Variants in PRKCB observed in about 807,000 individuals in gnomAD.
PRKCB encodes protein kinase C beta type.
A neutral mutation model predicts 81.5 loss-of-function variants in PRKCB; 13 were observed. The ratio of observed to expected loss-of-function variants is 0.16; its 90% CI spans 0.10 to 0.25. The LOEUF (loss-of-function observed/expected upper bound fraction) is 0.25. Among genes scored for constraint, PRKCB ranks in the 10% least tolerant of loss-of-function variants. PRKCB has a pLI of 1.00. For synonymous variants in PRKCB, 335 were observed against 321.4 expected (o/e 1.04, Z -0.45); for missense variants, 509 against 875.7 (o/e 0.58, Z 5.29).
intron 2 of PRKCB, among the ~76,000 whole-genome samples, chr16:23,951,536 C>T (rs1964283238): frequency 2.0e-5 from 3 of 151,760 alleles, no homozygotes; most frequent in Non-Finnish European, 4.4e-5. Context: ...CCACCTTAGC[C>T]TCCCTAGTAA....
intron 4 of PRKCB, among the ~76,000 whole-genome samples, chr16:24,034,156 G>A (rs1965583661): frequency 6.6e-6 from 1 of 152,186 alleles, no homozygotes; most frequent in African/African-American, 2.4e-5. Flanking sequence ...CCACACATGG[G>A]GCCCTAATAT....
At position 24,130,942 on chromosome 16, in the gene PRKCB, C is replaced by T. The variant is rs564900674; in HGVS notation, c.1065+6961C>T. 5.9e-5 allele frequency among the ~76,000 whole-genome samples: 9 copies of T among 152,324 alleles called. No homozygotes were observed. In the South Asian group the frequency reaches 1.5e-3, roughly 25 times the overall value. ...TTTCAGTCCTGGCTGCAATTTTTCA[C>T]GGTGACACACAAAAGACCTTCTGAC... On this transcript the variant is annotated intron_variant, in intron 9 of 16. Coordinates refer to ENST00000643927, the MANE Select transcript of PRKCB (RefSeq NM_002738.7).
At chr16:24,076,250 A>G (rs1406010121) in intron 5 of PRKCB, among the ~76,000 whole-genome samples, 5 of 152,310 alleles carry the variant, frequency 3.3e-5, no homozygotes, top group East Asian at 1.9e-4. Flanking sequence ...GTTAAGCCCA[A>G]TTGGGATTTG....
chr16:24,070,259 G>T (rs1966091498), intron 5 of PRKCB, among the ~76,000 whole-genome samples: 1 of 149,846 alleles, frequency 6.7e-6, no homozygotes, highest in Non-Finnish European at 1.5e-5. Flanking sequence ...AGCGATTCTT[G>T]TGCCTCAGTC....
chr16:24,120,858 C>T (rs753515468), intron 8 of PRKCB, among the ~76,000 whole-genome samples: 3 of 152,142 alleles, frequency 2.0e-5, no homozygotes, highest in African/African-American at 4.8e-5. Context: ...CTCAGCCTCC[C>T]GCGTAGCTGG....
In PRKCB at chr16:24,113,375, T is replaced by TCCTTCCTG. The variant is rs200485553; in HGVS notation, c.918+314_918+321dup. ...CCCTTTTCTTTGTTTTTTCCTTCCT[T>TCCTTCCTG]CCTTCCTGCCTTCCTTCCTCTCTCT... On this transcript the variant is annotated intron_variant, in intron 8 of 16. Coordinates refer to ENST00000643927, the MANE Select transcript of PRKCB (RefSeq NM_002738.7). 1.1e-3 allele frequency among the ~76,000 whole-genome samples: 164 copies of TCCTTCCTG among 145,468 alleles called. 3 individuals carry two copies. The East Asian group carries it at 0.029, about 25-fold the overall frequency.
rs552400567 is a variant in PRKCB, at chr16:24,147,036, C to T, written c.1066-7648C>T. On this transcript the variant is annotated intron_variant, in intron 9 of 16. Transcript: ENST00000643927. ...AAACTTCACAGCATATGGCCGGGCG[C>T]GGTGGCTCATGCCTGTAATCCCAGC... 1.8e-4 allele frequency among the ~76,000 whole-genome samples: 27 copies of T among 152,162 alleles called. No homozygotes were observed. In the South Asian group the frequency reaches 3.7e-3, roughly 21 times the overall value.
At position 23,862,432 on chromosome 16, in the gene PRKCB, T is replaced by C. The variant is rs149737508; in HGVS notation, c.205+25026T>C. 2.9e-4 allele frequency among the ~76,000 whole-genome samples: 44 copies of C among 152,296 alleles called. No homozygotes were observed. The East Asian group carries it at 8.1e-3, about 28-fold the overall frequency. ...CGTGAGTGACCTGAAACCTGTCCTC[T>C]GGTTCTGTACACCAGAAAGACTTGA... On this transcript the variant is annotated intron_variant, in intron 2 of 16. Transcript: ENST00000643927.
chr16:24,053,139 C>G (rs993571236), intron 5 of PRKCB, among the ~76,000 whole-genome samples: 1 of 152,228 alleles, frequency 6.6e-6, no homozygotes, highest in East Asian at 1.9e-4. Flanking sequence ...CTCTTCCCCT[C>G]ACATCCAGCA....
chr16:24,102,984 T>C (rs1170100569), intron 7 of PRKCB, among the ~76,000 whole-genome samples: 2 of 152,150 alleles, frequency 1.3e-5, no homozygotes, highest in Non-Finnish European at 2.9e-5. Flanking sequence ...GCGACTCTCC[T>C]GACTGAGCCT....
intron 2 of PRKCB, among the ~76,000 whole-genome samples, chr16:23,982,067 TCTTTCC>T (rs1964732922): frequency 1.1e-4 from 1 of 9,346 alleles, no homozygotes; most frequent in Non-Finnish European, 1.8e-4. Context: ...CTTCCCCTTC[TCTTTCC>T]CTTCCCTTTC....
intron 2 of PRKCB, among the ~76,000 whole-genome samples, chr16:23,889,217 T>A (rs1963253135): frequency 6.6e-6 from 1 of 152,134 alleles, no homozygotes; most frequent in South Asian, 2.1e-4. Flanking sequence ...GCATAGAGTT[T>A]GGAGTTATCC....
chr16:23,949,014 T>C (rs1352285712), intron 2 of PRKCB, among the ~76,000 whole-genome samples: 1 of 152,152 alleles, frequency 6.6e-6, no homozygotes, highest in Non-Finnish European at 1.5e-5. Context: ...CGCATAATTT[T>C]TCGAGGAGTG....
chr16:24,011,736 T>C (rs1965205469), intron 3 of PRKCB, among the ~76,000 whole-genome samples: 1 of 152,136 alleles, frequency 6.6e-6, no homozygotes, highest in Non-Finnish European at 1.5e-5. Context: ...GGATGGGTCT[T>C]AGCCTCCCAA....
intron 8 of PRKCB, among the ~76,000 whole-genome samples, chr16:24,122,703 T>G (rs1458288261): frequency 6.6e-6 from 1 of 151,874 alleles, no homozygotes; most frequent in African/African-American, 2.4e-5. Context: ...CAATCGAATC[T>G]CCTGTCTCAG....
At chr16:24,064,688 T>C (rs1966011006) in intron 5 of PRKCB, among the ~76,000 whole-genome samples, 1 of 152,156 alleles carries the variant, frequency 6.6e-6, no homozygotes, top group Admixed American at 6.5e-5. Context: ...TCTCCTATTA[T>C]GATTCTGGGT....
At chr16:24,019,533 G>A (rs1965331146) in intron 3 of PRKCB, among the ~76,000 whole-genome samples, 1 of 152,166 alleles carries the variant, frequency 6.6e-6, no homozygotes, top group Non-Finnish European at 1.5e-5. Context: ...GGAGGCCGAA[G>A]CAGGCGGACC....
At chr16:23,974,317 A>G (rs1039277589) in intron 2 of PRKCB, among the ~76,000 whole-genome samples, 3 of 152,160 alleles carry the variant, frequency 2.0e-5, no homozygotes, top group African/African-American at 7.2e-5. Context: ...GGAGCACAGG[A>G]CTGAGAGGGA....
At chr16:23,894,341 C>T (rs1017745577) in intron 2 of PRKCB, among the ~76,000 whole-genome samples, 1 of 152,202 alleles carries the variant, frequency 6.6e-6, no homozygotes, top group Non-Finnish European at 1.5e-5. Context: ...TTGTAATCAA[C>T]TCATCACAGT....
Sources: gnomAD v4.1 joint callset for allele counts (sites outside exome capture counted in the v4.1 genomes callset) on GRCh38, gnomAD v4.1.1 for gene constraint, MANE v1.5 for transcripts, NCBI Gene and HGNC (gene_info 2026-07-23, HGNC 2026-07-21) for gene names.